The following CASZ1 variants were observed in gnomAD, a reference collection of about 807,000 sequenced individuals.
CASZ1 encodes castor zinc finger 1, also known as zinc finger protein castor homolog 1.
In CASZ1, 28 loss-of-function variants were observed where a neutral mutation model predicts 135.2. The observed-to-expected ratio is 0.21, with a 90% CI of 0.15 to 0.28. The LOEUF (loss-of-function observed/expected upper bound fraction) is 0.28, where lower values mean the gene tolerates loss of function less well. Among genes scored for constraint, CASZ1 ranks in the 10% least tolerant of loss-of-function variants. The pLI, the probability that CASZ1 is intolerant of heterozygous loss-of-function variation, is 1.00. For missense variants in CASZ1, 2,161 were observed against 2,453.3 expected, an observed-to-expected ratio of 0.88 and a Z score of 2.52; for synonymous variants, 1,068 against 1,073.4, an observed-to-expected ratio of 0.99 and a Z score of 0.10.
chr1:10,648,193 G>A (rs1426713006), intron 15 of CASZ1, 54 bp from the exon 16 acceptor site: 7 of 1,308,060 alleles, frequency 5.4e-6, no homozygotes, highest in African/African-American at 3.0e-5. Flanking sequence ...CAGGTGTGGA[G>A]GGGCATGCAT....
At chr1:10,683,644 C>T (rs781086281) in intron 4 of CASZ1, among the ~76,000 whole-genome samples, 11 of 152,206 alleles carry the variant, frequency 7.2e-5, no homozygotes, top group African/African-American at 2.7e-4. Context: ...AAGGGCTCTG[C>T]GTCCAGTCCT....
intron 2 of CASZ1, among the ~76,000 whole-genome samples, chr1:10,749,922 TC>T (rs1640118750): frequency 6.6e-6 from 1 of 152,108 alleles, no homozygotes; most frequent in Non-Finnish European, 1.5e-5. Flanking sequence ...CTCACACGGG[TC>T]TCCGGAGCAT....
Position 10,776,728 on chromosome 1 carries a change from G to A in CASZ1, c.-233-15871C>T, listed in dbSNP as rs1557565373. 6.6e-6 allele frequency among the ~76,000 whole-genome samples: 1 copy of A among 152,180 alleles called. No individual in the cohort carries two copies. Among genetic ancestry groups the A allele is most frequent in the African/African-American group, 2.4e-5 (1 of 41,444 alleles). ...CATGGCACAGCTGCGGACTCCAGAC[G>A]GTGGCAAGAAGCTCCAGCCATCCTG... On this transcript the variant is annotated intron_variant, in intron 1 of 20. Transcript: ENST00000377022. The surrounding 1 kb of genome is among the most constrained non-coding windows in gnomAD (Gnocchi z 4.1).
chr1:10,654,643 C>T (rs1293251830), intron 9 of CASZ1, 52 bp from the exon 10 acceptor site: 4 of 1,563,404 alleles, frequency 2.6e-6, no homozygotes, highest in Non-Finnish European at 2.6e-6. Context: ...TGCTCCTGGG[C>T]CGAGGTCGAC....
chr1:10,667,250 C>T (rs1415373163), intron 4 of CASZ1, among the ~76,000 whole-genome samples: 23 of 152,250 alleles, frequency 1.5e-4, no homozygotes, highest in South Asian at 4.1e-4. Context: ...CCAGATCCTT[C>T]CCTTGTAGCC....
chr1:10,693,988 C>G, intron 3 of CASZ1, 76 bp from the exon 4 acceptor site: 2 of 1,426,056 alleles, frequency 1.4e-6, no homozygotes, highest in Admixed American at 1.8e-5. Context: ...CCCGGCCGCC[C>G]GCCCTGCTTG....
In CASZ1 at chr1:10,767,023, G is replaced by A. The variant is rs987444333; in HGVS notation, c.-233-6166C>T. Among the ~76,000 whole-genome samples the A allele has an allele frequency of 1.3e-5, 2 of 152,222 alleles. No individual in the cohort carries two copies. The highest frequency in any genetic ancestry group is 2.4e-5 in the African/African-American group (1 of 41,454). Reference sequence around the variant, plus strand: ...TTTCTGGACTGGCCTTAGAGGCAGAGTGGTGGGACCTAGACTCGCTCTTCC... The same window carrying A: ...TTTCTGGACTGGCCTTAGAGGCAGAATGGTGGGACCTAGACTCGCTCTTCC... On this transcript the variant is annotated intron_variant, in intron 1 of 20. Coordinates refer to ENST00000377022, the MANE Select transcript of CASZ1 (RefSeq NM_001079843.3). The surrounding 1 kb of genome is among the most constrained non-coding windows in gnomAD (Gnocchi z 4.2).
intron 2 of CASZ1, among the ~76,000 whole-genome samples, chr1:10,743,078 C>T (rs534401023): frequency 2.6e-4 from 40 of 152,214 alleles, no homozygotes; most frequent in East Asian, 9.7e-4. Context: ...AAAGAGAGCT[C>T]GGGGAGTATT....
Position 10,719,426 on chromosome 1 carries a change from G to A in CASZ1, c.-76-13882C>T, listed in dbSNP as rs1159613018. On this transcript the variant is annotated intron_variant, in intron 2 of 20. Transcript: ENST00000377022. The surrounding 1 kb of genome is among the most constrained non-coding windows in gnomAD (Gnocchi z 4.0). ...TGGAGAATGGTAGCCCAAGACAAGG[G>A]ACCCTGAAATTCAAGGTGATGTCCT... 6.6e-6 allele frequency among the ~76,000 whole-genome samples: 1 copy of A among 152,196 alleles called. No individual in the cohort carries two copies. Among genetic ancestry groups the A allele is most frequent in the Non-Finnish European group, 1.5e-5 (1 of 68,046 alleles).
intron 15 of CASZ1, chr1:10,648,534 C>T (rs566018080): frequency 7.4e-5 from 16 of 216,558 alleles, no homozygotes; most frequent in Middle Eastern, 1.7e-3. Context: ...CCTACGCGGT[C>T]GGAAAAGCCT....
chr1:10,688,228 GGTCT>G, intron 4 of CASZ1, among the ~76,000 whole-genome samples: 1 of 152,188 alleles, frequency 6.6e-6, no homozygotes, highest in Non-Finnish European at 1.5e-5. Flanking sequence ...CAACGTCACA[GGTCT>G]ACCCGGAGCC....
chr1:10,641,911 G>A (rs1355917153), intron 20 of CASZ1, among the ~76,000 whole-genome samples: 2 of 152,220 alleles, frequency 1.3e-5, no homozygotes, highest in African/African-American at 4.8e-5. Flanking sequence ...GAGGGGTGCA[G>A]AGTGGCCCCG....
At chr1:10,710,353 G>A (rs1639261956) in intron 2 of CASZ1, among the ~76,000 whole-genome samples, 1 of 152,130 alleles carries the variant, frequency 6.6e-6, no homozygotes, top group Admixed American at 6.5e-5. Flanking sequence ...AAGGCTCCAG[G>A]AGAAAAGCTG....
At position 10,720,815 on chromosome 1, in the gene CASZ1, G is replaced by A. The variant is rs1170098652; in HGVS notation, c.-76-15271C>T. On this transcript the variant is annotated intron_variant, in intron 2 of 20. Transcript: ENST00000377022. This position sits in a 1 kb window ranked among gnomAD's most constrained non-coding sequence, Gnocchi z 5.7. ...GTGGGTGAGCTGAGGGAGGGTGAGT[G>A]GAAGCTGGAGGGTTAGGGCTGGCCA... is the stretch of plus-strand genomic sequence containing the variant. Among the ~76,000 whole-genome samples the A allele has an allele frequency of 6.6e-6, 1 of 152,086 alleles. No homozygotes were observed. Among genetic ancestry groups the A allele is most frequent in the Non-Finnish European group, 1.5e-5 (1 of 68,024 alleles).
chr1:10,674,555 C>T (rs2100333666), intron 4 of CASZ1, among the ~76,000 whole-genome samples: 1 of 152,378 alleles, frequency 6.6e-6, no homozygotes, highest in Admixed American at 6.5e-5. Flanking sequence ...CTTCCCTGCC[C>T]TGGGCTCGGG....
At chr1:10,791,054 T>G (rs896638439) in intron 1 of CASZ1, among the ~76,000 whole-genome samples, 9 of 150,800 alleles carry the variant, frequency 6.0e-5, no homozygotes, top group African/African-American at 2.2e-4. Context: ...CTATATAATT[T>G]TACATCCGAA....
At position 10,727,856 on chromosome 1, in the gene CASZ1, T is replaced by C. The variant is rs1409440326; in HGVS notation, c.-76-22312A>G. On this transcript the variant is annotated intron_variant, in intron 2 of 20. Transcript: ENST00000377022. The surrounding 1 kb of genome is among the most constrained non-coding windows in gnomAD (Gnocchi z 5.3). The stretch of plus-strand genomic sequence containing the variant: ...GCCCCTGGCTAGTGGCCAGACAGCA[T>C]GTATGAGTGTTGGGGGTGAGCTGGG... Among the ~76,000 whole-genome samples, 1 of 152,078 alleles carries C rather than the reference T, an allele frequency of 6.6e-6. No homozygotes were observed.
At position 10,750,854 on chromosome 1, in the gene CASZ1, G is replaced by T. The variant is rs529083698; in HGVS notation, c.-77+9847C>A. 5.9e-4 allele frequency among the ~76,000 whole-genome samples: 89 copies of T among 152,066 alleles called. 1 individual carries two copies. The East Asian group carries it at 0.013, about 22-fold the overall frequency. ...GCAGAGGTTGCAGTGAGCCAAGATG[G>T]TGCCACTGCACTCCAGCCTGGGTGA... On this transcript the variant is annotated intron_variant, in intron 2 of 20. Coordinates refer to ENST00000377022, the MANE Select transcript of CASZ1 (RefSeq NM_001079843.3).
chr1:10,689,021 C>T (rs1046747972), intron 4 of CASZ1, among the ~76,000 whole-genome samples: 2 of 152,102 alleles, frequency 1.3e-5, no homozygotes, highest in Admixed American at 6.5e-5. Flanking sequence ...GTGGGAGCAG[C>T]GGCCAGGGTG....
Sources: allele counts gnomAD v4.1 joint callset (sites outside exome capture counted in the v4.1 genomes callset), GRCh38; gene constraint gnomAD v4.1.1; non-coding constraint Gnocchi (gnomAD v3.1); transcripts MANE v1.5; gene names NCBI Gene and HGNC (gene_info 2026-07-23, HGNC 2026-07-21).